BCAS1: variants seen among roughly 807,000 people sequenced by gnomAD.
BCAS1 encodes breast carcinoma-amplified sequence 1.
A neutral mutation model predicts 65.4 loss-of-function variants in BCAS1; 46 were observed. The observed-to-expected ratio is 0.70, with a 90% CI of 0.55 to 0.90. The LOEUF (loss-of-function observed/expected upper bound fraction) is 0.90, where lower values mean the gene tolerates loss of function less well. Ranked by LOEUF, BCAS1 falls within the 40% of genes least tolerant of loss-of-function variation. BCAS1 has a pLI of 0.00. For missense variants in BCAS1, 793 were observed against 771.2 expected, an observed-to-expected ratio of 1.03 and a Z score of -0.33; for synonymous variants, 298 against 293.5, an observed-to-expected ratio of 1.02 and a Z score of -0.16.
At chr20:54,043,862 G>T (rs546098820) in intron 3 of BCAS1, among the ~76,000 whole-genome samples, 2 of 152,196 alleles carry the variant, frequency 1.3e-5, no homozygotes, top group Non-Finnish European at 2.9e-5. Context: ...ACACAAGGAG[G>T]CAGGCTCTGC....
At chr20:53,971,769 T>C (rs2090185652) in intron 9 of BCAS1, among the ~76,000 whole-genome samples, 1 of 152,222 alleles carries the variant, frequency 6.6e-6, no homozygotes, top group African/African-American at 2.4e-5. Flanking sequence ...AACTGAGAGA[T>C]TACTTATTAA....
intron 4 of BCAS1, among the ~76,000 whole-genome samples, chr20:54,025,518 T>C (rs1054662819): frequency 6.6e-5 from 10 of 152,344 alleles, no homozygotes; most frequent in African/African-American, 2.4e-4. Context: ...AAAAATAAGA[T>C]TGTCGTTCTG....
intron 12 of BCAS1, among the ~76,000 whole-genome samples, chr20:53,950,261 T>C (rs1273048732): frequency 1.3e-5 from 2 of 152,160 alleles, no homozygotes; most frequent in South Asian, 2.1e-4. Flanking sequence ...CTTCCTGAAA[T>C]GTACTAAGCT....
chr20:54,017,988 G>A (rs1162704812), intron 4 of BCAS1, among the ~76,000 whole-genome samples: 8 of 152,132 alleles, frequency 5.3e-5, no homozygotes, highest in Admixed American at 2.6e-4. Context: ...GAACACATTC[G>A]TCATCTATTT....
chr20:54,059,965 A>G (rs6127074), intron 1 of BCAS1, among the ~76,000 whole-genome samples: 26,397 of 152,194 alleles, frequency 0.17, 2,515 homozygotes, highest in East Asian at 0.32. Context: ...TGTAAATTAA[A>G]CAGGCAAGGC....
Position 54,028,628 on chromosome 20 carries a change from C to A in BCAS1, c.487G>T (p.Val163Phe), listed in dbSNP as rs61754122. ...TPGHAPAQDK[V>F]LSAARDPTLL... Reference sequence around the variant, plus strand: ...GTGGGATCCCTGGCGGCAGAGAGGACCTTGTCTTGGGCCGGGGCGTGCCCT... The same window carrying A: ...GTGGGATCCCTGGCGGCAGAGAGGAACTTGTCTTGGGCCGGGGCGTGCCCT... Residue 163 changes from valine to phenylalanine, a missense_variant, in exon 4 of 13, where the codon GTC becomes TTC. Coordinates refer to ENST00000688948, the MANE Select transcript of BCAS1 (RefSeq NM_001366298.2). The A allele has an allele frequency of 8.0e-3, 12,964 of 1,614,164 alleles. 163 individuals are homozygous for A. Among genetic ancestry groups the A allele is most frequent in the South Asian group, 0.043 (3,956 of 91,074 alleles).
intron 1 of BCAS1, among the ~76,000 whole-genome samples, chr20:54,066,888 G>T (rs2092450673): frequency 6.6e-6 from 1 of 152,172 alleles, no homozygotes; most frequent in Non-Finnish European, 1.5e-5. Context: ...GCAAACTCAA[G>T]TCCAGAGTTT....
chr20:54,019,906 C>T (rs917257362), intron 4 of BCAS1, among the ~76,000 whole-genome samples: 2 of 152,166 alleles, frequency 1.3e-5, no homozygotes, highest in African/African-American at 4.8e-5. Flanking sequence ...TGAACTTCTG[C>T]CACTACTGGC....
At position 54,055,333 on chromosome 20, in the gene BCAS1, T is replaced by C. The variant is rs144571449; in HGVS notation, c.142+2752A>G. 6.0e-3 allele frequency among the ~76,000 whole-genome samples: 912 copies of C among 152,286 alleles called. 4 individuals carry two copies. The highest frequency in any genetic ancestry group is 0.028 in the South Asian group (133 of 4,822). The stretch of plus-strand genomic sequence containing the variant: ...AGACTAGGAAGAAAAAGAGGTTGAA[T>C]TGGACTTACAGATCCATATGGCTGG... On this transcript the variant is annotated intron_variant, in intron 3 of 12. Coordinates refer to ENST00000688948, the MANE Select transcript of BCAS1 (RefSeq NM_001366298.2).
chr20:53,986,896 A>T (rs1384674030), intron 7 of BCAS1, among the ~76,000 whole-genome samples: 1 of 152,194 alleles, frequency 6.6e-6, no homozygotes, highest in African/African-American at 2.4e-5. Context: ...TCTCAAAAAA[A>T]ATATAGAATA....
chr20:54,053,521 C>G (rs1280214824), intron 3 of BCAS1, among the ~76,000 whole-genome samples: 9 of 152,204 alleles, frequency 5.9e-5, no homozygotes, highest in Admixed American at 2.6e-4. Flanking sequence ...AACTTTTGAT[C>G]TTAAAGTTCC....
At chr20:54,021,274 A>T (rs1272391293) in intron 4 of BCAS1, among the ~76,000 whole-genome samples, 2 of 151,840 alleles carry the variant, frequency 1.3e-5, no homozygotes, top group Admixed American at 1.3e-4. Context: ...TTACACGTCC[A>T]ATTCCAGGTC....
chr20:54,029,578 A>G (rs932974106), intron 3 of BCAS1, among the ~76,000 whole-genome samples: 2 of 152,220 alleles, frequency 1.3e-5, no homozygotes, highest in African/African-American at 2.4e-5. Flanking sequence ...GTCTTTTTGA[A>G]TCCAGATTAT....
intron 4 of BCAS1, among the ~76,000 whole-genome samples, chr20:54,011,571 C>CA (rs1555867895): frequency 6.6e-6 from 1 of 151,994 alleles, no homozygotes; most frequent in Non-Finnish European, 1.5e-5. Context: ...GTGGTTAAAG[C>CA]AAAAAATAGT....
chr20:53,958,242 A>G (rs1600707368), intron 10 of BCAS1, among the ~76,000 whole-genome samples: 1 of 152,202 alleles, frequency 6.6e-6, no homozygotes, highest in African/African-American at 2.4e-5. Context: ...GGCCATATAC[A>G]GGTTCAGACT....
At chr20:53,981,413 C>T (rs1356442996) in intron 8 of BCAS1, among the ~76,000 whole-genome samples, 4 of 152,312 alleles carry the variant, frequency 2.6e-5, no homozygotes, top group South Asian at 4.1e-4. Flanking sequence ...TTGACGTACA[C>T]TGATTGCTCC....
intron 1 of BCAS1, among the ~76,000 whole-genome samples, chr20:54,061,864 T>C (rs777265496): frequency 5.9e-5 from 9 of 152,202 alleles, no homozygotes; most frequent in Non-Finnish European, 1.2e-4. Context: ...TATTGAATCC[T>C]CAAGACCAGG....
intron 7 of BCAS1, among the ~76,000 whole-genome samples, chr20:53,991,897 T>C (rs191114734): frequency 1.8e-3 from 250 of 140,928 alleles, no homozygotes; most frequent in African/African-American, 5.8e-3. Flanking sequence ...AAACCACTTC[T>C]CCTTTTCCAA....
At chr20:54,041,908 CCAAAAA>C (rs1184227760) in intron 3 of BCAS1, among the ~76,000 whole-genome samples, 21 of 67,362 alleles carry the variant, frequency 3.1e-4, no homozygotes, top group Non-Finnish European at 5.5e-4. Flanking sequence ...TCTGTCTCCC[CCAAAAA>C]AAAAAAAAAA....
Sources: allele counts gnomAD v4.1 joint callset (sites outside exome capture counted in the v4.1 genomes callset), GRCh38; gene constraint gnomAD v4.1.1; transcripts MANE v1.5; gene names NCBI Gene and HGNC (gene_info 2026-07-23, HGNC 2026-07-21).